The following SETBP1 variants were observed in gnomAD, a reference collection of about 807,000 sequenced individuals.
The protein encoded by SETBP1 is SET-binding protein.
A neutral mutation model predicts 101.0 loss-of-function variants in SETBP1; 9 were observed. That is an observed-to-expected ratio of 0.09 (90% CI 0.05 to 0.16). The LOEUF (loss-of-function observed/expected upper bound fraction) is 0.16. SETBP1 is among the 10% of genes least tolerant of loss of function. The pLI is 1.00. For synonymous variants in SETBP1, 818 were observed against 788.5 expected, an observed-to-expected ratio of 1.04 and a Z score of -0.63; for missense variants, 1,858 against 2,033.8, an observed-to-expected ratio of 0.91 and a Z score of 1.66.
intron 3 of SETBP1, among the ~76,000 whole-genome samples, chr18:44,896,020 G>A (rs988473277): frequency 6.6e-6 from 1 of 152,108 alleles, no homozygotes; most frequent in Non-Finnish European, 1.5e-5. Context: ...CACTCCCTCA[G>A]TGAAAATGTT....
At chr18:44,992,937 A>T (rs1311815371) in intron 4 of SETBP1, among the ~76,000 whole-genome samples, 1 of 152,088 alleles carries the variant, frequency 6.6e-6, no homozygotes, top group Non-Finnish European at 1.5e-5. Context: ...CGTAATCTAG[A>T]AATATATTTT....
At chr18:44,841,152 A>T (rs1361736989) in intron 2 of SETBP1, among the ~76,000 whole-genome samples, 1 of 152,202 alleles carries the variant, frequency 6.6e-6, no homozygotes, top group Non-Finnish European at 1.5e-5. Flanking sequence ...GGTCTCATGA[A>T]GTTGCAGTCA....
chr18:44,940,842 A>G (rs2071072307), intron 3 of SETBP1, among the ~76,000 whole-genome samples: 1 of 151,034 alleles, frequency 6.6e-6, no homozygotes, highest in Non-Finnish European at 1.5e-5. Context: ...CTCAGTTTCC[A>G]TCTGGTGTCA....
intron 3 of SETBP1, among the ~76,000 whole-genome samples, chr18:44,887,971 G>C (rs2069686495): frequency 6.6e-6 from 1 of 152,152 alleles, no homozygotes; most frequent in Admixed American, 6.5e-5. Context: ...TGGGGAGCAA[G>C]ACAGTAGAGC....
chr18:44,935,082 C>T (rs920738766), intron 3 of SETBP1, among the ~76,000 whole-genome samples: 63 of 128,408 alleles, frequency 4.9e-4, no homozygotes, highest in African/African-American at 1.8e-3. Flanking sequence ...ATCCAAGGCT[C>T]AGACTCCACC....
intron 4 of SETBP1, among the ~76,000 whole-genome samples, chr18:45,020,442 C>T (rs973259855): frequency 6.6e-6 from 1 of 152,034 alleles, no homozygotes; most frequent in Non-Finnish European, 1.5e-5. Flanking sequence ...ACCCATTACA[C>T]TTTATTTGGT....
chr18:44,699,203 A>G (rs2069071052), intron 1 of SETBP1, among the ~76,000 whole-genome samples: 1 of 152,228 alleles, frequency 6.6e-6, no homozygotes, highest in East Asian at 1.9e-4. Flanking sequence ...GAGAATTAAA[A>G]TGTCGTTGGA....
At chr18:44,713,610 C>A (rs2069394015) in intron 2 of SETBP1, among the ~76,000 whole-genome samples, 1 of 152,154 alleles carries the variant, frequency 6.6e-6, no homozygotes, top group African/African-American at 2.4e-5. Context: ...GGTATTGTAA[C>A]CTCCTCTGTT....
intron 2 of SETBP1, among the ~76,000 whole-genome samples, chr18:44,818,651 T>C (rs914242616): frequency 6.6e-6 from 1 of 152,062 alleles, no homozygotes; most frequent in Admixed American, 6.5e-5. Flanking sequence ...TCTACAGAGA[T>C]CTAAAAGGCA....
chr18:45,026,977 T>C (rs2073178579), intron 4 of SETBP1, among the ~76,000 whole-genome samples: 1 of 152,188 alleles, frequency 6.6e-6, no homozygotes, highest in South Asian at 2.1e-4. Flanking sequence ...AATCTGATGT[T>C]GGAGATGCAG....
chr18:44,922,051 A>C (rs1366475914), intron 3 of SETBP1, among the ~76,000 whole-genome samples: 1 of 152,218 alleles, frequency 6.6e-6, no homozygotes, highest in Admixed American at 6.5e-5. Context: ...AGCCACAAAG[A>C]TGTATAAGCA....
intron 2 of SETBP1, among the ~76,000 whole-genome samples, chr18:44,790,101 A>T (rs571616364): frequency 6.6e-6 from 1 of 152,214 alleles, no homozygotes; most frequent in Non-Finnish European, 1.5e-5. Context: ...TGATCCCTGC[A>T]GGAAGAACAG....
At chr18:44,834,340 A>G (rs1475196134) in intron 2 of SETBP1, among the ~76,000 whole-genome samples, 1 of 152,226 alleles carries the variant, frequency 6.6e-6, no homozygotes, top group Admixed American at 6.5e-5. Context: ...ATGACAATAC[A>G]GTGAATAAGT....
chr18:44,973,371 A>G lies in SETBP1; in HGVS notation c.4000+20031A>G, dbSNP rs1043765200. The stretch of plus-strand genomic sequence containing the variant: ...TGTTGTGCTTCTGCCAGGCTTTGGT[A>G]TCAGGATAATGCTAGCCTCAAACAA... On this transcript the variant is annotated intron_variant, in intron 4 of 5. Transcript: ENST00000649279. 5.9e-5 allele frequency among the ~76,000 whole-genome samples: 9 copies of G among 152,186 alleles called. No individual in the cohort carries two copies. In the East Asian group the frequency reaches 1.2e-3, roughly 20 times the overall value.
In SETBP1 at chr18:44,860,276, A is replaced by G. The variant is rs117330580; in HGVS notation, c.487-8954A>G. 2.5e-3 allele frequency among the ~76,000 whole-genome samples: 377 copies of G among 152,312 alleles called. 6 individuals carry two copies. Among genetic ancestry groups the G allele is most frequent in the East Asian group, 0.023 (117 of 5,178 alleles). On this transcript the variant is annotated intron_variant, in intron 2 of 5. Coordinates refer to ENST00000649279, the MANE Select transcript of SETBP1 (RefSeq NM_015559.3). ...TATTGGCTTTTTACGGACTTTGGAA[A>G]CAGCCCACAGATGCTTGCAATGTGA...
chr18:44,732,087 G>A (rs1046877706), intron 2 of SETBP1, among the ~76,000 whole-genome samples: 1 of 152,172 alleles, frequency 6.6e-6, no homozygotes. Flanking sequence ...TCTATTTGAT[G>A]AGCAATGTGT....
chr18:45,005,807 C>A (rs933795901), intron 4 of SETBP1, among the ~76,000 whole-genome samples: 4 of 151,382 alleles, frequency 2.6e-5, no homozygotes, highest in Admixed American at 2.0e-4. Flanking sequence ...CCACCACGCC[C>A]GGCTAATTTT....
At chr18:44,959,688 C>T (rs1473182012) in intron 4 of SETBP1, among the ~76,000 whole-genome samples, 2 of 152,018 alleles carry the variant, frequency 1.3e-5, no homozygotes, top group Non-Finnish European at 1.5e-5. Context: ...TGAGCCACTG[C>T]TGTGTTCTCA....
intron 4 of SETBP1, among the ~76,000 whole-genome samples, chr18:44,982,708 TG>T (rs2072142369): frequency 1.3e-5 from 2 of 152,210 alleles, no homozygotes; most frequent in South Asian, 4.1e-4. Context: ...CTGTTCCCAG[TG>T]GGTCATATAA....
Sources: gnomAD v4.1 joint callset for allele counts (sites outside exome capture counted in the v4.1 genomes callset) on GRCh38, gnomAD v4.1.1 for gene constraint, MANE v1.5 for transcripts, NCBI Gene and HGNC (gene_info 2026-07-23, HGNC 2026-07-21) for gene names.